SNX4: variants seen among roughly 807,000 people sequenced by gnomAD.
SNX4 encodes sorting nexin 4.
In SNX4, 49 loss-of-function variants were observed where a neutral mutation model predicts 70.8. That is an observed-to-expected ratio of 0.69 (90% CI 0.55 to 0.88). The LOEUF is 0.88. Ranked by LOEUF, SNX4 falls within the 40% of genes least tolerant of loss-of-function variation. The pLI is 0.00. For missense variants in SNX4, 528 were observed against 544.8 expected (o/e 0.97, Z 0.31); for synonymous variants, 206 against 183.8 (o/e 1.12, Z -0.98).
intron 9 of SNX4, among the ~76,000 whole-genome samples, chr3:125,464,006 G>A (rs1303463186): frequency 1.3e-5 from 2 of 152,072 alleles, no homozygotes; most frequent in African/African-American, 2.4e-5. Context: ...CCAGGAGTTT[G>A]AGACCAGCCT....
intron 1 of SNX4, among the ~76,000 whole-genome samples, chr3:125,514,465 C>G (rs1022145520): frequency 2.0e-5 from 3 of 149,272 alleles, no homozygotes. Context: ...GATCACAGCT[C>G]ACTGCAACCT....
At chr3:125,512,634 TAA>T (rs1207663475) in intron 1 of SNX4, among the ~76,000 whole-genome samples, 1 of 152,144 alleles carries the variant, frequency 6.6e-6, no homozygotes, top group Admixed American at 6.6e-5. Context: ...AGGGACCTTT[TAA>T]AGAGACACCT....
chr3:125,459,436 C>T (rs1035558004), intron 10 of SNX4, among the ~76,000 whole-genome samples: 1 of 152,006 alleles, frequency 6.6e-6, no homozygotes, highest in Non-Finnish European at 1.5e-5. Context: ...TTCCACTGTA[C>T]TCAGCAACTT....
rs1933456996 is a variant in SNX4, at chr3:125,447,657, A to G, written c.*122T>C. 2 of 633,182 alleles carry G rather than the reference A, an allele frequency of 3.2e-6. No homozygotes were observed. Among genetic ancestry groups the G allele is most frequent in the African/African-American group, 1.9e-5 (1 of 51,700 alleles). The allele number at this position is 633,182 out of a possible 1,614,324, so 39.2% of individuals were successfully genotyped here. On this transcript the variant is annotated 3_prime_UTR_variant, in exon 14 of 14. Coordinates refer to ENST00000251775, the MANE Select transcript of SNX4 (RefSeq NM_003794.4). ...ACACGACCACAATTAAGTTAAAGAA[A>G]GCTGAATTTATTTAACTTATTGTAT...
At chr3:125,461,349 C>G (rs1374058716) in intron 9 of SNX4, among the ~76,000 whole-genome samples, 1 of 152,178 alleles carries the variant, frequency 6.6e-6, no homozygotes, top group Non-Finnish European at 1.5e-5. Flanking sequence ...GAATCACTGA[C>G]AGCAATGTGT....
intron 1 of SNX4, among the ~76,000 whole-genome samples, chr3:125,511,049 G>A (rs980553403): frequency 6.6e-6 from 1 of 152,170 alleles, no homozygotes; most frequent in Non-Finnish European, 1.5e-5. Flanking sequence ...CTCCCGAGTA[G>A]CTGGGATTAC....
chr3:125,457,873 C>T (rs1453894303), intron 10 of SNX4, among the ~76,000 whole-genome samples: 3 of 151,464 alleles, frequency 2.0e-5, no homozygotes, highest in African/African-American at 7.3e-5. Flanking sequence ...CACCTGTACC[C>T]GGCCAAAAAC....
intron 7 of SNX4, among the ~76,000 whole-genome samples, chr3:125,478,073 C>G (rs202208386): frequency 2.2e-5 from 3 of 136,230 alleles, no homozygotes; most frequent in East Asian, 4.2e-4. Flanking sequence ...ATTATTATTA[C>G]TATTATTATT....
intron 8 of SNX4, among the ~76,000 whole-genome samples, 183 bp downstream of exon 8, chr3:125,476,512 A>C (rs1329029451): frequency 1.3e-5 from 2 of 152,162 alleles, no homozygotes; most frequent in African/African-American, 2.4e-5. Flanking sequence ...CGGGGGTTGC[A>C]GTGAGCCGAG....
intron 1 of SNX4, among the ~76,000 whole-genome samples, chr3:125,514,039 T>A (rs956758563): frequency 6.6e-6 from 1 of 151,686 alleles, no homozygotes; most frequent in African/African-American, 2.4e-5. Context: ...TCTGGATTTT[T>A]TTTTTTTTTT....
chr3:125,509,800 A>C (rs1446733501), intron 1 of SNX4, among the ~76,000 whole-genome samples: 1 of 151,836 alleles, frequency 6.6e-6, no homozygotes, highest in African/African-American at 2.4e-5. Context: ...AAATGGAAAA[A>C]TGAGCAAAGG....
intron 8 of SNX4, 84 bp downstream of exon 8, chr3:125,476,611 A>C (rs1314296661): frequency 1.2e-6 from 1 of 833,866 alleles, no homozygotes; most frequent in African/African-American, 1.7e-5. Flanking sequence ...TCTTCTCTCC[A>C]CACTCATAAA....
intron 2 of SNX4, among the ~76,000 whole-genome samples, chr3:125,503,096 G>A (rs1247345329): frequency 1.3e-5 from 2 of 151,754 alleles, no homozygotes; most frequent in African/African-American, 2.4e-5. Context: ...TAGTAGAGAC[G>A]GGGTTTCGCC....
At chr3:125,459,975 C>A (rs1235754703) in intron 10 of SNX4, among the ~76,000 whole-genome samples, 1 of 151,608 alleles carries the variant, frequency 6.6e-6, no homozygotes, top group Non-Finnish European at 1.5e-5. Flanking sequence ...GGTGGATTAC[C>A]CGAGGTCAGG....
intron 1 of SNX4, among the ~76,000 whole-genome samples, chr3:125,519,742 C>G (rs1195457543): frequency 6.6e-6 from 1 of 152,170 alleles, no homozygotes; most frequent in Non-Finnish European, 1.5e-5. Flanking sequence ...GACCCCCACG[C>G]CTGCGGGGGC....
At chr3:125,452,942 T>C (rs761879699) in intron 12 of SNX4, among the ~76,000 whole-genome samples, 1 of 152,132 alleles carries the variant, frequency 6.6e-6, no homozygotes, top group Admixed American at 6.5e-5. Context: ...TATCTATTAC[T>C]TTGCCATATT....
intron 1 of SNX4, among the ~76,000 whole-genome samples, chr3:125,505,589 G>A (rs184708232): frequency 3.3e-4 from 50 of 152,340 alleles, no homozygotes; most frequent in African/African-American, 1.2e-3. Context: ...AAAGGGCCTT[G>A]TTCTCCAAAC....
chr3:125,516,734 G>A (rs1051055536), intron 1 of SNX4, among the ~76,000 whole-genome samples: 1 of 152,102 alleles, frequency 6.6e-6, no homozygotes, highest in African/African-American at 2.4e-5. Context: ...ACAGCTACTC[G>A]GGAGGCTGAG....
chr3:125,460,840 T>C lies in SNX4; in HGVS notation c.875A>G (p.Asp292Gly). Reference sequence around the variant, plus strand: ...ATAATGTTCTTCATCTTCCAAAATATCATCAATAGAAGATGCATACCTGTT... The same window carrying C: ...ATAATGTTCTTCATCTTCCAAAATACCATCAATAGAAGATGCATACCTGTT... Reference protein sequence around the residue: ...HMDVYASSIDDILEDEEHYAD... With the variant: ...HMDVYASSIDGILEDEEHYAD... The change falls in exon 10 of 14, where the codon GAT becomes GGT. Residue 292 changes from aspartate to glycine, a missense_variant. Physicochemically the swap from Asp to Gly is moderately conservative, Grantham distance 94. Around this residue, in one of 3 missense-constraint regions of SNX4, gnomAD observed 28 missense variants for 60.0 expected, o/e 0.47. Coordinates refer to ENST00000251775, the MANE Select transcript of SNX4 (RefSeq NM_003794.4). The C allele has an allele frequency of 6.5e-7, 1 of 1,527,324 alleles. No homozygotes were observed. Among genetic ancestry groups the C allele is most frequent in the Non-Finnish European group, 8.9e-7 (1 of 1,121,128 alleles). The allele number at this position is 1,527,324 out of a possible 1,614,324, so 94.6% of individuals were successfully genotyped here.
Sources: allele counts gnomAD v4.1 joint callset (sites outside exome capture counted in the v4.1 genomes callset), GRCh38; gene constraint gnomAD v4.1.1; regional missense constraint gnomAD v4.1.1; transcripts MANE v1.5; gene names NCBI Gene and HGNC (gene_info 2026-07-23, HGNC 2026-07-21).